The following NME7 variants were observed in gnomAD, a reference collection of about 807,000 sequenced individuals.
The protein encoded by NME7 is nucleoside diphosphate kinase 7.
NME7 carries 41 observed loss-of-function variants against 49.1 expected under a neutral mutation model. The ratio of observed to expected loss-of-function variants is 0.83; its 90% CI spans 0.65 to 1.08. The LOEUF (loss-of-function observed/expected upper bound fraction) is 1.08, where lower values mean the gene tolerates loss of function less well. NME7 is among the 50% of genes least tolerant of loss of function. The pLI, the probability that NME7 is intolerant of heterozygous loss-of-function variation, is 0.00. For missense variants in NME7, 423 were observed against 463.4 expected, an observed-to-expected ratio of 0.91 and a Z score of 0.80; for synonymous variants, 139 against 150.6, an observed-to-expected ratio of 0.92 and a Z score of 0.56.
chr1:169,197,388 G>A (rs1660408890), intron 10 of NME7, among the ~76,000 whole-genome samples: 1 of 146,070 alleles, frequency 6.8e-6, no homozygotes, highest in Admixed American at 6.9e-5. Flanking sequence ...TAAAAACTGT[G>A]TATTAATTAA....
In NME7 at chr1:169,274,433, G is replaced by A. The variant is rs1179347143; in HGVS notation, c.754+12870C>T. On this transcript the variant is annotated intron_variant, in intron 7 of 11. Coordinates refer to ENST00000367811, the MANE Select transcript of NME7 (RefSeq NM_013330.5). ...TTGTAGGTTGCCTGTTCACTCTGAT[G>A]GTAGTTTCTTTTGCTGTGCAGAAGC... Among the ~76,000 whole-genome samples, 2 of 132,850 alleles carry A rather than the reference G, an allele frequency of 1.5e-5. 1 individual carries two copies. The highest frequency in any genetic ancestry group is 3.5e-5 in the Non-Finnish European group (2 of 56,592). The allele number at this position is 132,850 out of a possible 152,430, so 87.2% of individuals were successfully genotyped here.
rs1375644271 is a variant in NME7 at position 169,276,577 on chromosome 1, T to C, written c.754+10726A>G. On this transcript the variant is annotated intron_variant, in intron 7 of 11. Transcript: ENST00000367811. ...ATTGCGTCTATTAGATTCTTCTCTCTTTTTTTCTTTATTAGTCTTGCTAGC... is the reference window on the plus strand; with the variant it reads ...ATTGCGTCTATTAGATTCTTCTCTCCTTTTTTCTTTATTAGTCTTGCTAGC... Among the ~76,000 whole-genome samples the C allele has an allele frequency of 2.3e-5, 3 of 132,586 alleles. 1 individual carries two copies. The highest frequency in any genetic ancestry group is 5.3e-5 in the Non-Finnish European group (3 of 56,732). 87.0% of individuals were successfully genotyped at this position (132,586 alleles called of 152,430 possible).
chr1:169,302,690 A>G (rs1326052498), intron 5 of NME7, among the ~76,000 whole-genome samples: 8 of 151,934 alleles, frequency 5.3e-5, no homozygotes, highest in Non-Finnish European at 8.8e-5. Flanking sequence ...AATGGGATCA[A>G]TTGTACCCCA....
chr1:169,284,656 C>T (rs908586696), intron 7 of NME7: 31 of 152,066 alleles, frequency 2.0e-4, no homozygotes, highest in Admixed American at 1.6e-3. Context: ...AAAATTGTTG[C>T]CCATGCCTAT....
Position 169,326,784 on chromosome 1 carries a change from C to A in NME7, c.4-2284G>T, listed in dbSNP as rs1652075713. Among the ~76,000 whole-genome samples the A allele has an allele frequency of 3.9e-5, 6 of 152,136 alleles. No individual in the cohort carries two copies. The South Asian group carries it at 1.2e-3, about 31-fold the overall frequency. On this transcript the variant is annotated intron_variant, in intron 1 of 11. Coordinates refer to ENST00000367811, the MANE Select transcript of NME7 (RefSeq NM_013330.5). Reference sequence around the variant, plus strand: ...GAGATATAACAGTGGTACATCTGGACTTGGGATAAAACATCACAGTGAGGT... The same window carrying A: ...GAGATATAACAGTGGTACATCTGGAATTGGGATAAAACATCACAGTGAGGT...
chr1:169,212,122 C>T (rs1377219842), intron 10 of NME7, among the ~76,000 whole-genome samples: 3 of 152,150 alleles, frequency 2.0e-5, no homozygotes, highest in Non-Finnish European at 2.9e-5. Flanking sequence ...GTAATTTTTA[C>T]TAATTGTATT....
At chr1:169,305,120 C>T (rs1651122668) in intron 4 of NME7, among the ~76,000 whole-genome samples, 2 of 152,184 alleles carry the variant, frequency 1.3e-5, no homozygotes, top group Non-Finnish European at 2.9e-5. Context: ...TAGTTATCTC[C>T]ATTCAAAATC....
At chr1:169,364,838 C>T (rs1167009647) in intron 1 of NME7, among the ~76,000 whole-genome samples, 2 of 152,108 alleles carry the variant, frequency 1.3e-5, no homozygotes, top group East Asian at 1.9e-4. Context: ...AATAGAAGGC[C>T]GCAAGGTTAG....
chr1:169,281,551 C>T (rs536403400), intron 7 of NME7, among the ~76,000 whole-genome samples: 37 of 152,278 alleles, frequency 2.4e-4, no homozygotes, highest in Non-Finnish European at 3.5e-4. Flanking sequence ...GGGAATGCTT[C>T]AAGCTTTTGC....
chr1:169,253,820 T>A (rs1361046086), intron 7 of NME7, among the ~76,000 whole-genome samples: 1 of 151,518 alleles, frequency 6.6e-6, no homozygotes, highest in Non-Finnish European at 1.5e-5. Flanking sequence ...ATTGAGATAA[T>A]CATGTGGTTT....
chr1:169,257,410 G>A lies in NME7; in HGVS notation c.755-19723C>T, dbSNP rs952594354. Among the ~76,000 whole-genome samples, 29 of 134,532 alleles carry A rather than the reference G, an allele frequency of 2.2e-4. 2 individuals carry two copies. The highest frequency in any genetic ancestry group is 7.3e-4 in the African/African-American group (29 of 39,806). 88.3% of individuals were successfully genotyped at this position (134,532 alleles called of 152,430 possible). ...CGCTTCCCAAGTGAGGCAATGCCTC[G>A]CCCTGCTTCGGCTTGCGAACGGTAC... On this transcript the variant is annotated intron_variant, in intron 7 of 11. Transcript: ENST00000367811.
intron 7 of NME7, among the ~76,000 whole-genome samples, chr1:169,254,116 T>A (rs563266199): frequency 1.4e-3 from 212 of 150,160 alleles, no homozygotes; most frequent in African/African-American, 4.9e-3. Context: ...TTCTATTGAT[T>A]GGAATAGTTT....
At chr1:169,160,467 G>A (rs1364986523) in intron 11 of NME7, among the ~76,000 whole-genome samples, 1 of 151,760 alleles carries the variant, frequency 6.6e-6, no homozygotes, top group Non-Finnish European at 1.5e-5. Context: ...CAAGACTCCT[G>A]GTACTAGATG....
At chr1:169,231,433 G>A (rs1448608852) in intron 9 of NME7, among the ~76,000 whole-genome samples, 1 of 152,116 alleles carries the variant, frequency 6.6e-6, no homozygotes, top group African/African-American at 2.4e-5. Context: ...AGAGCCCAAC[G>A]TTCTCTGAGT....
At chr1:169,244,709 G>A (rs1648237717) in intron 7 of NME7, among the ~76,000 whole-genome samples, 1 of 151,660 alleles carries the variant, frequency 6.6e-6, no homozygotes, top group Non-Finnish European at 1.5e-5. Context: ...AACAAAATTG[G>A]TTTTCATAGT....
At chr1:169,217,159 T>C (rs1660994471) in intron 10 of NME7, among the ~76,000 whole-genome samples, 2 of 152,204 alleles carry the variant, frequency 1.3e-5, no homozygotes, top group African/African-American at 4.8e-5. Context: ...CTAAGCAATA[T>C]TATACTTTAT....
chr1:169,218,823 G>A (rs1489981646), intron 10 of NME7, among the ~76,000 whole-genome samples: 1 of 151,642 alleles, frequency 6.6e-6, no homozygotes, highest in Non-Finnish European at 1.5e-5. Flanking sequence ...AATTCCACTG[G>A]AAGTAGGAAA....
At chr1:169,315,638 T>C (rs1322598739) in intron 3 of NME7, among the ~76,000 whole-genome samples, 1 of 152,124 alleles carries the variant, frequency 6.6e-6, no homozygotes, top group Non-Finnish European at 1.5e-5. Flanking sequence ...TCTTAACCAG[T>C]TTGAAAGGCA....
chr1:169,336,450 T>C (rs1652479032), intron 1 of NME7, among the ~76,000 whole-genome samples: 1 of 152,116 alleles, frequency 6.6e-6, no homozygotes, highest in Non-Finnish European at 1.5e-5. Context: ...CACTGATTGG[T>C]GTGTTTACAA....
Sources: gnomAD v4.1 joint callset for allele counts (sites outside exome capture counted in the v4.1 genomes callset) on GRCh38, gnomAD v4.1.1 for gene constraint, MANE v1.5 for transcripts, NCBI Gene and HGNC (gene_info 2026-07-23, HGNC 2026-07-21) for gene names.